The following TIAM2 variants were observed in gnomAD, a reference collection of about 807,000 sequenced individuals.
The protein encoded by TIAM2 is rho guanine nucleotide exchange factor TIAM2.
TIAM2 carries 80 observed loss-of-function variants against 152.9 expected under a neutral mutation model. The observed-to-expected ratio is 0.52, with a 90% CI of 0.44 to 0.63. The LOEUF (loss-of-function observed/expected upper bound fraction) is 0.63, where lower values mean the gene tolerates loss of function less well. TIAM2 is among the 30% of genes least tolerant of loss of function. The pLI, the probability that TIAM2 is intolerant of heterozygous loss-of-function variation, is 0.00. For synonymous variants in TIAM2, 804 were observed against 838.0 expected (o/e 0.96, Z 0.70); for missense variants, 1,965 against 2,120.1 (o/e 0.93, Z 1.44).
rs1781945241 is a variant in TIAM2, at chr6:155,218,836, T to TGC, written c.3168+7529_3168+7530insGC. On this transcript the variant is annotated intron_variant, in intron 15 of 26. Transcript: ENST00000682666. The surrounding 1 kb of genome is among the most constrained non-coding windows in gnomAD (Gnocchi z 4.5). The stretch of plus-strand genomic sequence containing the variant: ...CCCGTGTTCTTGACCATCTCAGCCA[T>TGC]CCACCCGTGTTCTCGACCATCTCAG... Among the ~76,000 whole-genome samples the TGC allele has an allele frequency of 7.5e-6, 1 of 132,712 alleles. No homozygotes were observed. The highest frequency in any genetic ancestry group is 2.9e-5 in the African/African-American group (1 of 34,948). The allele number at this position is 132,712 out of a possible 152,430, so 87.1% of individuals were successfully genotyped here.
At chr6:155,094,546 CTTTTTTTTTT>C (rs10694318) in intron 2 of TIAM2, among the ~76,000 whole-genome samples, 3 of 79,940 alleles carry the variant, frequency 3.8e-5, no homozygotes, top group East Asian at 4.0e-4. Context: ...TTCACTCAGA[CTTTTTTTTTT>C]TTTTTTTTTT....
intron 15 of TIAM2, among the ~76,000 whole-genome samples, chr6:155,223,229 A>T (rs1782116087): frequency 6.6e-6 from 1 of 152,208 alleles, no homozygotes; most frequent in Non-Finnish European, 1.5e-5. Flanking sequence ...CTTTGAGTAA[A>T]CATCTGAATA....
chr6:155,208,042 G>A (rs1021882271), intron 14 of TIAM2, among the ~76,000 whole-genome samples: 39 of 152,280 alleles, frequency 2.6e-4, no homozygotes, highest in African/African-American at 7.9e-4. Flanking sequence ...TGAGTTCTTG[G>A]TGGGACTCAA....
intron 1 of TIAM2, among the ~76,000 whole-genome samples, chr6:155,014,245 G>T (rs1475717743): frequency 1.3e-5 from 2 of 152,052 alleles, no homozygotes; most frequent in Non-Finnish European, 2.9e-5. Flanking sequence ...CATCTGTTTA[G>T]CTAGTGTTTA....
At chr6:155,015,944 CAAA>C (rs3081689) in intron 1 of TIAM2, among the ~76,000 whole-genome samples, 859 of 61,574 alleles carry the variant, frequency 0.014, 6 homozygotes, top group East Asian at 0.093. Context: ...TTCAAAAAAC[CAAA>C]AAAAAAAAAA....
intron 2 of TIAM2, among the ~76,000 whole-genome samples, chr6:155,111,724 A>G (rs1778856017): frequency 6.6e-6 from 1 of 152,148 alleles, no homozygotes; most frequent in African/African-American, 2.4e-5. Flanking sequence ...TCTCTGCACC[A>G]CATCACATTT....
At position 155,164,531 on chromosome 6, in the gene TIAM2, C is replaced by T. The variant is rs200954264; in HGVS notation, c.2145C>T (p.Ala715=). ...CGAACCCAAAGAGTCTCCTTGCAGCCGCCAGCCGCCCCTCCAAGCTGGCCC... is the reference window on the plus strand; with the variant it reads ...CGAACCCAAAGAGTCTCCTTGCAGCTGCCAGCCGCCCCTCCAAGCTGGCCC... ...ELPNPKSLLA[A]ASRPSKLALG... Residue 715 remains alanine (A), a synonymous_variant, in exon 8 of 27, where the codon GCC becomes GCT. Transcript: ENST00000682666. 69 of 1,614,114 alleles carry T rather than the reference C, an allele frequency of 4.3e-5. No homozygotes were observed. Among genetic ancestry groups the T allele is most frequent in the East Asian group, 1.8e-4 (8 of 44,864 alleles).
At chr6:155,029,442 A>ATATATTATATATAAT (rs1562295107) in intron 1 of TIAM2, among the ~76,000 whole-genome samples, 1 of 2,922 alleles carries the variant, frequency 3.4e-4, no homozygotes, top group African/African-American at 1.4e-3. Flanking sequence ...TATATATTAT[A>ATATATTATATATAAT]CTATAGTATA....
intron 1 of TIAM2, among the ~76,000 whole-genome samples, chr6:155,003,727 C>A (rs1337764278): frequency 6.6e-6 from 1 of 152,192 alleles, no homozygotes; most frequent in Non-Finnish European, 1.5e-5. Flanking sequence ...GTTTCCTCTG[C>A]CAATTTACTG....
At chr6:155,138,884 A>G (rs940762025) in intron 5 of TIAM2, among the ~76,000 whole-genome samples, 3 of 152,032 alleles carry the variant, frequency 2.0e-5, no homozygotes, top group Non-Finnish European at 2.9e-5. Context: ...AATAGAAGTG[A>G]GAATTTGTTT....
chr6:155,229,716 C>T (rs1380482470), intron 15 of TIAM2, among the ~76,000 whole-genome samples: 1 of 152,210 alleles, frequency 6.6e-6, no homozygotes, highest in African/African-American at 2.4e-5. Context: ...AATTCATTTT[C>T]ATACCACTGT....
intron 16 of TIAM2, 71 bp downstream of exon 16, chr6:155,240,780 C>T (rs1782993510): frequency 6.7e-7 from 1 of 1,494,078 alleles, no homozygotes; most frequent in South Asian, 1.3e-5. Context: ...GGCAGAGGTC[C>T]CCAGATCACC....
intron 1 of TIAM2, among the ~76,000 whole-genome samples, chr6:155,080,769 C>T (rs1778045233): frequency 6.6e-6 from 1 of 152,124 alleles, no homozygotes; most frequent in South Asian, 2.1e-4. Flanking sequence ...TCAAAAATGG[C>T]GCCTTTTAAG....
At chr6:155,114,903 C>T (rs1190643538) in intron 2 of TIAM2, among the ~76,000 whole-genome samples, 3 of 152,128 alleles carry the variant, frequency 2.0e-5, no homozygotes, top group Non-Finnish European at 4.4e-5. Context: ...TCTCATCTCA[C>T]TACAACCTCC....
intron 1 of TIAM2, among the ~76,000 whole-genome samples, chr6:155,084,299 C>G (rs1486862742): frequency 6.6e-6 from 1 of 152,188 alleles, no homozygotes; most frequent in African/African-American, 2.4e-5. Context: ...TGCTTGTGTA[C>G]AGGCAAGATC....
intron 14 of TIAM2, 63 bp from the exon 15 acceptor site, chr6:155,211,141 C>A: frequency 6.9e-7 from 1 of 1,443,272 alleles, no homozygotes; most frequent in Non-Finnish European, 9.6e-7. Context: ...AGCCTTTAAA[C>A]CGGGTGTTAT....
At chr6:155,226,978 C>T (rs903048133) in intron 15 of TIAM2, among the ~76,000 whole-genome samples, 2 of 152,232 alleles carry the variant, frequency 1.3e-5, no homozygotes, top group African/African-American at 4.8e-5. Context: ...TCCCAAACAG[C>T]ACATTTGCAG....
At chr6:155,104,058 C>CCCCCACACA (rs1778620589) in intron 2 of TIAM2, among the ~76,000 whole-genome samples, 1 of 60,326 alleles carries the variant, frequency 1.7e-5, no homozygotes, top group African/African-American at 7.6e-5. Context: ...CCCCACACCC[C>CCCCCACACA]CACACACCCC....
At chr6:155,172,669 T>G (rs577007876) in intron 9 of TIAM2, among the ~76,000 whole-genome samples, 1 of 9,650 alleles carries the variant, frequency 1.0e-4, no homozygotes, top group African/African-American at 4.2e-4. Context: ...TATATATATA[T>G]ATATATATAT....
Sources: allele counts gnomAD v4.1 joint callset (sites outside exome capture counted in the v4.1 genomes callset), GRCh38; gene constraint gnomAD v4.1.1; non-coding constraint Gnocchi (gnomAD v3.1); transcripts MANE v1.5; gene names NCBI Gene and HGNC (gene_info 2026-07-23, HGNC 2026-07-21).